The following SYNRG variants were observed in gnomAD, a reference collection of about 807,000 sequenced individuals.
SYNRG encodes the protein AP1 gamma subunit binding protein 1.
A neutral mutation model predicts 130.9 loss-of-function variants in SYNRG; 37 were observed. The ratio of observed to expected loss-of-function variants is 0.28; its 90% CI spans 0.22 to 0.37. The LOEUF (loss-of-function observed/expected upper bound fraction) is 0.37. SYNRG is among the 10% of genes least tolerant of loss of function. The pLI, the probability that SYNRG is intolerant of heterozygous loss-of-function variation, is 1.00. For missense variants in SYNRG, 1,338 were observed against 1,588.9 expected, an observed-to-expected ratio of 0.84 and a Z score of 2.68; for synonymous variants, 539 against 568.1, an observed-to-expected ratio of 0.95 and a Z score of 0.73.
chr17:37,548,848 C>CA (rs1316508003), intron 14 of SYNRG, among the ~76,000 whole-genome samples: 2 of 137,890 alleles, frequency 1.5e-5, no homozygotes, highest in African/African-American at 5.4e-5. Context: ...AAAAAACACA[C>CA]AAAAAAACGG....
chr17:37,578,332 A>T (rs1478583416), intron 6 of SYNRG, among the ~76,000 whole-genome samples: 1 of 147,654 alleles, frequency 6.8e-6, no homozygotes, highest in African/African-American at 2.5e-5. Context: ...CTCTGTCTCA[A>T]AAAAAAAAAA....
intron 10 of SYNRG, 55 bp from the exon 11 acceptor site, chr17:37,568,979 C>T: frequency 3.2e-6 from 5 of 1,555,834 alleles, no homozygotes; most frequent in Non-Finnish European, 4.4e-6. Context: ...AATAAATACA[C>T]AACAAATCAA....
chr17:37,589,471 C>CG (rs1003306740), intron 3 of SYNRG, among the ~76,000 whole-genome samples: 1 of 152,204 alleles, frequency 6.6e-6, no homozygotes, highest in African/African-American at 2.4e-5. Flanking sequence ...CTATTTAGGG[C>CG]CGGGCGCGGT....
intron 17 of SYNRG, among the ~76,000 whole-genome samples, chr17:37,538,796 T>C (rs1262055116): frequency 6.6e-6 from 1 of 152,232 alleles, no homozygotes; most frequent in East Asian, 1.9e-4. Context: ...GGTTTCACCA[T>C]GTTGGTCAGG....
chr17:37,602,772 C>T (rs1174195760), intron 1 of SYNRG, among the ~76,000 whole-genome samples: 2 of 152,148 alleles, frequency 1.3e-5, no homozygotes, highest in African/African-American at 4.8e-5. Context: ...GCCTGTAATC[C>T]CAGCACTTTG....
intron 1 of SYNRG, among the ~76,000 whole-genome samples, chr17:37,608,003 A>G (rs9709113): frequency 6.6e-6 from 1 of 151,818 alleles, no homozygotes; most frequent in South Asian, 2.1e-4. Context: ...AAAAGAAAAA[A>G]CAAATAGAAG....
At position 37,583,323 on chromosome 17, in the gene SYNRG, A is replaced by C. The variant is rs143472062; in HGVS notation, c.589+1325T>G. Among the ~76,000 whole-genome samples the C allele has an allele frequency of 2.6e-3, 395 of 152,232 alleles. 2 individuals carry two copies. The highest frequency in any genetic ancestry group is 8.3e-3 in the African/African-American group (344 of 41,530). On this transcript the variant is annotated intron_variant, in intron 6 of 21. Transcript: ENST00000612223. ...ACTTCTTGACTAGCTTATTCACCTT[A>C]TAATTTTCATTTTTAGATATGTTTT...
In SYNRG at chr17:37,535,973, G is replaced by A. The variant is rs1469054636; in HGVS notation, c.3666+6C>T. The A allele has an allele frequency of 6.2e-7, 1 of 1,613,380 alleles. No homozygotes were observed. The highest frequency in any genetic ancestry group is 2.2e-5 in the East Asian group (1 of 44,890). ...AAGCAACTGCTGAGTTGTCTCATGGGCTTACTGTGAGTGTGGCGAGTGACA... is the reference window on the plus strand; with the variant it reads ...AAGCAACTGCTGAGTTGTCTCATGGACTTACTGTGAGTGTGGCGAGTGACA... On this transcript the variant is annotated splice_donor_region_variant and intron_variant, in intron 19 of 21. Coordinates refer to ENST00000612223, the MANE Select transcript of SYNRG (RefSeq NM_007247.6).
rs1340911706 is a variant in SYNRG, at chr17:37,609,404, C to G, written c.-49G>C. 4 of 1,380,992 alleles carry G rather than the reference C, an allele frequency of 2.9e-6. No individual in the cohort carries two copies. In the East Asian group the frequency reaches 9.2e-5, roughly 32 times the overall value. The allele number at this position is 1,380,992 out of a possible 1,614,324, so 85.5% of individuals were successfully genotyped here. On this transcript the variant is annotated 5_prime_UTR_variant, in exon 1 of 22. Coordinates refer to ENST00000612223, the MANE Select transcript of SYNRG (RefSeq NM_007247.6). ...TTCGCCGCCGCCACCTTATCAGCAGCTGTCAGCTGAACACAGCCACTTCCG... is the reference window on the plus strand; with the variant it reads ...TTCGCCGCCGCCACCTTATCAGCAGGTGTCAGCTGAACACAGCCACTTCCG...
At chr17:37,529,416 A>G (rs2056350114) in intron 19 of SYNRG, among the ~76,000 whole-genome samples, 1 of 152,122 alleles carries the variant, frequency 6.6e-6, no homozygotes, top group Non-Finnish European at 1.5e-5. Context: ...AAACTTCTGG[A>G]ATGATGGAGT....
chr17:37,562,390 T>TTTCTTCTTC (rs35772731), intron 11 of SYNRG, among the ~76,000 whole-genome samples: 2,174 of 151,798 alleles, frequency 0.014, 59 homozygotes, highest in African/African-American at 0.047. Flanking sequence ...AGCATTACTT[T>TTTCTTCTTC]TTCTTCTTCT....
In SYNRG at chr17:37,515,010, T is replaced by C. The variant is rs563980588; in HGVS notation, c.*3930A>G. 1.3e-5 allele frequency: 2 copies of C among 152,296 alleles called. No individual in the cohort carries two copies. The highest frequency in any genetic ancestry group is 4.8e-5 in the African/African-American group (2 of 41,568). 9.4% of individuals were successfully genotyped at this position (152,296 alleles called of 1,614,324 possible). A position where few individuals can be genotyped will look rare whatever the true frequency, so the allele number is the denominator to read the frequency against. ...CCACATCACGCAGAAGACAACGCAT[T>C]TCGCTAAGGGCCACAGCATTCACTG... On this transcript the variant is annotated 3_prime_UTR_variant, in exon 22 of 22. Transcript: ENST00000612223.
intron 2 of SYNRG, among the ~76,000 whole-genome samples, chr17:37,596,548 T>C (rs1004138282): frequency 1.6e-4 from 24 of 152,138 alleles, no homozygotes; most frequent in African/African-American, 5.6e-4. Flanking sequence ...CAAAACTTCA[T>C]CTGTAAAATG....
At chr17:37,553,035 T>C in intron 14 of SYNRG, 80 bp downstream of exon 14, 1 of 1,313,592 alleles carries the variant, frequency 7.6e-7, no homozygotes. Flanking sequence ...GCCAGAGCCT[T>C]ACTCATGTAA....
At chr17:37,534,247 TTCA>T (rs1340762895) in intron 19 of SYNRG, among the ~76,000 whole-genome samples, 2 of 152,034 alleles carry the variant, frequency 1.3e-5, no homozygotes, top group African/African-American at 4.8e-5. Flanking sequence ...CCAGCCTAAT[TTCA>T]TCATATTTTC....
chr17:37,539,156 C>T (rs1485675382), intron 17 of SYNRG, 36 bp downstream of exon 17: 2 of 1,610,138 alleles, frequency 1.2e-6, no homozygotes, highest in Non-Finnish European at 1.7e-6. Context: ...CAAAAGAGCA[C>T]TCACATATGT....
At chr17:37,557,017 G>A (rs926643243) in intron 13 of SYNRG, 14 of 152,256 alleles carry the variant, frequency 9.2e-5, no homozygotes, top group Admixed American at 7.8e-4. Context: ...AAATAAAAGC[G>A]GGTGAGTTTA....
Position 37,568,929 on chromosome 17 carries a change from G to C in SYNRG, c.1348-5C>G, listed in dbSNP as rs375829014. ...ATCTTCTTCTGGCTTTACTACCTAG[G>C]TTTATAAAGGTCATTTAAATAAATA... On this transcript the variant is annotated splice_polypyrimidine_tract_variant and splice_region_variant and intron_variant, in intron 10 of 21. Coordinates refer to ENST00000612223, the MANE Select transcript of SYNRG (RefSeq NM_007247.6). The C allele has an allele frequency of 6.2e-7, 1 of 1,606,778 alleles. No homozygotes were observed. The highest frequency in any genetic ancestry group is 1.3e-5 in the African/African-American group (1 of 74,518).
intron 6 of SYNRG, among the ~76,000 whole-genome samples, chr17:37,578,172 A>G (rs1242633080): frequency 6.6e-6 from 1 of 151,920 alleles, no homozygotes; most frequent in Admixed American, 6.6e-5. Context: ...TCTACTAAAA[A>G]TACAAAAAAT....
Sources: allele counts gnomAD v4.1 joint callset (sites outside exome capture counted in the v4.1 genomes callset), GRCh38; gene constraint gnomAD v4.1.1; transcripts MANE v1.5; gene names NCBI Gene and HGNC (gene_info 2026-07-23, HGNC 2026-07-21).